Variants in CAST observed in about 807,000 individuals in gnomAD.
The protein encoded by CAST is MIR583 host.
A neutral mutation model predicts 119.6 loss-of-function variants in CAST; 76 were observed. The observed-to-expected ratio is 0.64, with a 90% CI of 0.53 to 0.77. The LOEUF is 0.77. CAST is among the 30% of genes least tolerant of loss of function. CAST has a pLI of 0.00. For synonymous variants in CAST, 319 were observed against 331.6 expected, an observed-to-expected ratio of 0.96 and a Z score of 0.41; for missense variants, 953 against 946.5, an observed-to-expected ratio of 1.01 and a Z score of -0.09.
At chr5:96,328,013 C>T in the CAST span, among the ~76,000 whole-genome samples, 1 of 152,226 alleles carries the variant, frequency 6.6e-6, no homozygotes, top group Non-Finnish European at 1.5e-5. Flanking sequence ...GAGCCCAGAT[C>T]TCTACCAGCA....
chr5:96,051,621 G>C, the CAST span, among the ~76,000 whole-genome samples: 3 of 152,102 alleles, frequency 2.0e-5, no homozygotes, highest in African/African-American at 7.2e-5. Context: ...AGAGGAGGGG[G>C]AGAGAAATTA....
intron 1 of CAST, among the ~76,000 whole-genome samples, chr5:96,610,714 A>T (rs1289861648): frequency 1.3e-5 from 2 of 152,214 alleles, no homozygotes; most frequent in South Asian, 2.1e-4. Context: ...AAATAGTAAA[A>T]GAGGAAGTCA....
chr5:96,541,293 T>G (rs1745907851), intron 1 of CAST, among the ~76,000 whole-genome samples: 1 of 151,962 alleles, frequency 6.6e-6, no homozygotes, highest in Non-Finnish European at 1.5e-5. Flanking sequence ...CAGTTGACTC[T>G]TGCATTCTTT....
the CAST span, among the ~76,000 whole-genome samples, chr5:96,059,418 C>A: frequency 6.6e-6 from 1 of 152,090 alleles, no homozygotes; most frequent in Admixed American, 6.6e-5. Context: ...AAGTCCCCTG[C>A]AATAATAGCA....
the CAST span, among the ~76,000 whole-genome samples, chr5:96,066,516 CTGTTTCT>C: frequency 6.6e-6 from 1 of 151,678 alleles, no homozygotes; most frequent in Admixed American, 6.6e-5. Context: ...TTCCTCTCAT[CTGTTTCT>C]CAGCTAGATC....
At chr5:96,088,928 G>T in the CAST span, among the ~76,000 whole-genome samples, 1 of 152,126 alleles carries the variant, frequency 6.6e-6, no homozygotes, top group African/African-American at 2.4e-5. Context: ...ACAGTGCTCT[G>T]GTGGATTGAG....
At chr5:96,434,641 A>T in the CAST span, among the ~76,000 whole-genome samples, 5 of 145,874 alleles carry the variant, frequency 3.4e-5, no homozygotes, top group South Asian at 2.2e-4. Context: ...GTTGTTTTTT[A>T]AAGCTCAACC....
intron 19 of CAST, chr5:96,748,835 G>A (rs1468206640): frequency 2.4e-6 from 1 of 411,642 alleles, no homozygotes; most frequent in East Asian, 4.3e-5. Flanking sequence ...GGAAAGCTCT[G>A]GAACCCATGC....
chr5:96,049,889 CAAAAAAAAAAAA>C, the CAST span, among the ~76,000 whole-genome samples: 648 of 34,222 alleles, frequency 0.019, 7 homozygotes, highest in African/African-American at 0.06. Context: ...GAACAGGAGG[CAAAAAAAAAAAA>C]AAAAAAAAAA....
chr5:96,538,873 C>A (rs1745865720), intron 1 of CAST, among the ~76,000 whole-genome samples: 2 of 127,414 alleles, frequency 1.6e-5, no homozygotes, highest in African/African-American at 5.7e-5. Flanking sequence ...AAGTGAAGAT[C>A]AAAAATCAAT....
chr5:96,427,666 T>G, the CAST span, among the ~76,000 whole-genome samples: 2 of 152,174 alleles, frequency 1.3e-5, no homozygotes, highest in African/African-American at 4.8e-5. Context: ...CATGAGATAC[T>G]TTGAGTAAGA....
At chr5:96,480,987 A>G in the CAST span, among the ~76,000 whole-genome samples, 3 of 152,224 alleles carry the variant, frequency 2.0e-5, no homozygotes, top group Admixed American at 1.3e-4. Flanking sequence ...CAGATAGCCA[A>G]CCAAAGAACA....
chr5:96,232,313 G>A, the CAST span, among the ~76,000 whole-genome samples: 9 of 152,060 alleles, frequency 5.9e-5, no homozygotes, highest in Non-Finnish European at 1.3e-4. Flanking sequence ...ATACAAAATT[G>A]AAAGGCCAAT....
the CAST span, among the ~76,000 whole-genome samples, chr5:96,365,074 G>A: frequency 0.2 from 30,404 of 152,060 alleles, 3,784 homozygotes; most frequent in Non-Finnish European, 0.26. Flanking sequence ...CCTTCATTTC[G>A]TTAAGTACTT....
the CAST span, among the ~76,000 whole-genome samples, chr5:96,509,656 A>G: frequency 6.6e-6 from 1 of 152,226 alleles, no homozygotes; most frequent in East Asian, 1.9e-4. Flanking sequence ...CATTTTAATC[A>G]CAACTTTTAG....
chr5:96,748,786 C>T (rs1764337177), intron 19 of CAST, 173 bp downstream of exon 19: 1 of 518,914 alleles, frequency 1.9e-6, no homozygotes, highest in South Asian at 2.8e-5. Flanking sequence ...CAACCTAACC[C>T]TGATATTCTT....
intron 1 of CAST, among the ~76,000 whole-genome samples, chr5:96,594,996 A>C (rs1295340070): frequency 6.6e-6 from 1 of 152,204 alleles, no homozygotes; most frequent in East Asian, 1.9e-4. Flanking sequence ...TCAAATATGG[A>C]ATCTACAGAG....
chr5:96,038,123 C>G, the CAST span, among the ~76,000 whole-genome samples: 3 of 152,000 alleles, frequency 2.0e-5, no homozygotes, highest in South Asian at 6.2e-4. Flanking sequence ...TTCTATTTGT[C>G]AAAAAGCTAG....
chr5:96,763,322 C>G, intron 25 of CAST: 1 of 773,578 alleles, frequency 1.3e-6, no homozygotes, highest in Non-Finnish European at 2.4e-6. Flanking sequence ...TAATAAAGCA[C>G]TTAAAACCAG....
Sources: allele counts gnomAD v4.1 joint callset (sites outside exome capture counted in the v4.1 genomes callset), GRCh38; gene constraint gnomAD v4.1.1; transcripts MANE v1.5; gene names NCBI Gene and HGNC (gene_info 2026-07-23, HGNC 2026-07-21).